Variants in ZNF804B observed in about 807,000 individuals in gnomAD.
The protein encoded by ZNF804B is zinc finger protein 804B, also known as zinc finger 804B.
ZNF804B carries 80 observed loss-of-function variants against 101.4 expected under a neutral mutation model. The ratio of observed to expected loss-of-function variants is 0.79; its 90% confidence interval spans 0.66 to 0.95. The LOEUF (loss-of-function observed/expected upper bound fraction) is 0.95. ZNF804B is among the 40% of genes least tolerant of loss of function. ZNF804B has a pLI of 0.00. For synonymous variants in ZNF804B, 622 were observed against 558.8 expected (o/e 1.11, Z -1.59); for missense variants, 1,673 against 1,561.9 (o/e 1.07, Z -1.20).
chr7:89,010,236 ACACT>A (rs1204285646), intron 1 of ZNF804B, among the ~76,000 whole-genome samples: 1 of 150,452 alleles, frequency 6.6e-6, no homozygotes, highest in Admixed American at 6.6e-5. Flanking sequence ...TTCATAACTG[ACACT>A]CAGAGAAGTC....
At chr7:89,202,757 C>G (rs545101955) in intron 1 of ZNF804B, among the ~76,000 whole-genome samples, 1 of 152,194 alleles carries the variant, frequency 6.6e-6, no homozygotes, top group East Asian at 1.9e-4. Context: ...CATTCCAGAT[C>G]TGCTATTTAT....
chr7:89,061,331 T>C (rs1156752789), intron 1 of ZNF804B, among the ~76,000 whole-genome samples: 3 of 152,096 alleles, frequency 2.0e-5, no homozygotes, highest in Non-Finnish European at 2.9e-5. Context: ...GACTTCAGCA[T>C]TTGGGATTAT....
intron 1 of ZNF804B, among the ~76,000 whole-genome samples, chr7:88,815,052 A>C (rs528204623): frequency 6.7e-6 from 1 of 148,888 alleles, no homozygotes; most frequent in African/African-American, 2.4e-5. Flanking sequence ...GTGTGTGTGT[A>C]TATATTCTTA....
rs1359693013 is a variant in ZNF804B at position 88,787,592 on chromosome 7, C to T, written c.108+27508C>T. 3.3e-5 allele frequency among the ~76,000 whole-genome samples: 5 copies of T among 152,244 alleles called. No homozygotes were observed. The East Asian group carries it at 9.6e-4, about 29-fold the overall frequency. On this transcript the variant is annotated intron_variant, in intron 1 of 3. Coordinates refer to ENST00000333190, the MANE Select transcript of ZNF804B (RefSeq NM_181646.5). ...TGTAATGAAGTGTTTAAACGTTCTT[C>T]AAAGATGTCACCATATGATGGGAAC...
At chr7:89,040,289 T>A (rs141007358) in intron 1 of ZNF804B, among the ~76,000 whole-genome samples, 9 of 152,198 alleles carry the variant, frequency 5.9e-5, no homozygotes, top group Non-Finnish European at 1.3e-4. Flanking sequence ...TTCTTTACTC[T>A]TTTTTATCCT....
At chr7:89,190,111 T>C (rs1562909937) in intron 1 of ZNF804B, among the ~76,000 whole-genome samples, 1 of 152,050 alleles carries the variant, frequency 6.6e-6, no homozygotes. Context: ...AGGAAATCAC[T>C]GCAGATATGG....
At chr7:88,807,835 G>T (rs1314344324) in intron 1 of ZNF804B, among the ~76,000 whole-genome samples, 3 of 152,266 alleles carry the variant, frequency 2.0e-5, no homozygotes, top group South Asian at 2.1e-4. Flanking sequence ...TTACCTTTCT[G>T]CCCTCAGGAA....
At chr7:88,834,903 C>T (rs909144518) in intron 1 of ZNF804B, among the ~76,000 whole-genome samples, 6 of 151,750 alleles carry the variant, frequency 4.0e-5, no homozygotes, top group Non-Finnish European at 8.8e-5. Context: ...TCCAGAACAA[C>T]ATATGACAGA....
At chr7:89,092,988 C>T (rs1789918412) in intron 1 of ZNF804B, among the ~76,000 whole-genome samples, 1 of 152,088 alleles carries the variant, frequency 6.6e-6, no homozygotes, top group African/African-American at 2.4e-5. Context: ...TATACTAAAT[C>T]ATACATATAC....
At chr7:89,027,619 C>T (rs1391318840) in intron 1 of ZNF804B, among the ~76,000 whole-genome samples, 2 of 152,164 alleles carry the variant, frequency 1.3e-5, no homozygotes, top group East Asian at 1.9e-4. Context: ...CTCGCTCTCC[C>T]TCTCTCATTA....
At chr7:89,068,202 G>A (rs904138881) in intron 1 of ZNF804B, among the ~76,000 whole-genome samples, 5 of 150,088 alleles carry the variant, frequency 3.3e-5, no homozygotes, top group Non-Finnish European at 7.4e-5. Context: ...GGCAGAATTG[G>A]GTAAATAAGA....
At chr7:89,153,676 T>A (rs918060707) in intron 1 of ZNF804B, among the ~76,000 whole-genome samples, 1 of 152,120 alleles carries the variant, frequency 6.6e-6, no homozygotes, top group Non-Finnish European at 1.5e-5. Context: ...ACCAGTTCTG[T>A]GGAAAAGTAG....
intron 1 of ZNF804B, among the ~76,000 whole-genome samples, chr7:89,212,779 G>A (rs892888648): frequency 6.6e-6 from 1 of 152,084 alleles, no homozygotes; most frequent in Non-Finnish European, 1.5e-5. Context: ...CTAGAAAAGG[G>A]TAGGTAACTT....
At chr7:89,137,329 T>C (rs1790652724) in intron 1 of ZNF804B, among the ~76,000 whole-genome samples, 1 of 152,016 alleles carries the variant, frequency 6.6e-6, no homozygotes, top group African/African-American at 2.4e-5. Context: ...GTATTACATA[T>C]CTCTGAAATT....
chr7:89,271,234 A>G (rs1661533199), intron 2 of ZNF804B, among the ~76,000 whole-genome samples: 1 of 152,178 alleles, frequency 6.6e-6, no homozygotes, highest in African/African-American at 2.4e-5. Context: ...ATTTTGAGAT[A>G]CATCCCATCA....
At position 89,169,899 on chromosome 7, in the gene ZNF804B, T is replaced by C. The variant is rs569140400; in HGVS notation, c.109-48256T>C. On this transcript the variant is annotated intron_variant, in intron 1 of 3. Transcript: ENST00000333190. ...CCTGTCACCTCATCCGAGCTCTAGA[T>C]ACTATGGTTTACAGAGAAATAAGAA... is the stretch of plus-strand genomic sequence containing the variant. 2.6e-3 allele frequency among the ~76,000 whole-genome samples: 403 copies of C among 152,290 alleles called. 6 individuals carry two copies. The highest frequency in any genetic ancestry group is 3.8e-3 in the Non-Finnish European group (258 of 68,022).
chr7:88,886,458 C>T (rs1040928449), intron 1 of ZNF804B, among the ~76,000 whole-genome samples: 1 of 152,118 alleles, frequency 6.6e-6, no homozygotes, highest in African/African-American at 2.4e-5. Context: ...CATATTTTTG[C>T]ATTAAATTCA....
rs397791531 is a variant in ZNF804B, at chr7:89,309,759, C to CAAAAAAAAA, written c.250-17555_250-17547dup. The stretch of plus-strand genomic sequence containing the variant: ...TGGGCTACAGAGTGAGACCCTGTCT[C>CAAAAAAAAA]AAAAAAAAAAAAAAAAAAAAAAAAA... On this transcript the variant is annotated intron_variant, in intron 2 of 3. Transcript: ENST00000333190. 5.4e-4 allele frequency among the ~76,000 whole-genome samples: 38 copies of CAAAAAAAAA among 70,790 alleles called. 2 individuals carry two copies. Among genetic ancestry groups the CAAAAAAAAA allele is most frequent in the African/African-American group, 7.7e-4 (12 of 15,664 alleles). The allele number at this position is 70,790 out of a possible 152,430, so 46.4% of individuals were successfully genotyped here.
At chr7:89,165,344 C>A (rs934864177) in intron 1 of ZNF804B, among the ~76,000 whole-genome samples, 1 of 151,830 alleles carries the variant, frequency 6.6e-6, no homozygotes, top group African/African-American at 2.4e-5. Flanking sequence ...AGAGGATACA[C>A]AAAGAATGAC....
Sources: gnomAD v4.1 joint callset for allele counts (sites outside exome capture counted in the v4.1 genomes callset) on GRCh38, gnomAD v4.1.1 for gene constraint, MANE v1.5 for transcripts, NCBI Gene and HGNC (gene_info 2026-07-23, HGNC 2026-07-21) for gene names.